Variants in MFHAS1 observed in about 807,000 individuals in gnomAD.
MFHAS1 encodes malignant fibrous histiocytoma-amplified sequence 1.
A neutral mutation model predicts 70.4 loss-of-function variants in MFHAS1; 50 were observed. The observed-to-expected ratio is 0.71, with a 90% CI of 0.57 to 0.90. The LOEUF is 0.90. MFHAS1 is among the 40% of genes least tolerant of loss of function. MFHAS1 has a pLI of 0.00. For synonymous variants in MFHAS1, 952 were observed against 620.0 expected, an observed-to-expected ratio of 1.54 and a Z score of -7.96; for missense variants, 1,795 against 1,347.6, an observed-to-expected ratio of 1.33 and a Z score of -5.20.
chr8:8,890,618 TG>T lies in MFHAS1; in HGVS notation c.2440del (p.Gln814SerfsTer28). On this transcript the variant is annotated frameshift_variant, in exon 1 of 3. Coordinates refer to ENST00000276282, the MANE Select transcript of MFHAS1 (RefSeq NM_004225.3). LOFTEE classifies it high-confidence loss of function. ...CTCCAGCAACAGCTGCAAGTCCTGC[TG>T]GGCCTGGACATGAGGCTTAAGCAGC... ...RLLLKPHVQA[Q>X]QDLQLLLELL... 6.2e-7 allele frequency: 1 copy of T among 1,613,992 alleles called. No homozygotes were observed. The highest frequency in any genetic ancestry group is 8.5e-7 in the Non-Finnish European group (1 of 1,180,014).
intron 1 of MFHAS1, among the ~76,000 whole-genome samples, chr8:8,865,037 A>T (rs1808804599): frequency 6.6e-6 from 1 of 152,138 alleles, no homozygotes; most frequent in African/African-American, 2.4e-5. Context: ...GCACTTGAGG[A>T]GGGCAAGGTG....
At chr8:8,824,058 A>T (rs1807064625) in intron 1 of MFHAS1, among the ~76,000 whole-genome samples, 1 of 151,060 alleles carries the variant, frequency 6.6e-6, no homozygotes, top group Non-Finnish European at 1.5e-5. Context: ...AGTTCCCCCT[A>T]GGAGCTCAGG....
chr8:8,856,007 A>C (rs1808424809), intron 1 of MFHAS1, among the ~76,000 whole-genome samples: 1 of 152,208 alleles, frequency 6.6e-6, no homozygotes, highest in African/African-American at 2.4e-5. Flanking sequence ...TTCAATGCCA[A>C]ATAAGCCTCC....
At chr8:8,861,512 A>T (rs922577784) in intron 1 of MFHAS1, among the ~76,000 whole-genome samples, 1 of 152,260 alleles carries the variant, frequency 6.6e-6, no homozygotes, top group Non-Finnish European at 1.5e-5. Flanking sequence ...TTAGTGTGAA[A>T]ACAGCATGTT....
At chr8:8,836,299 A>C (rs1211671715) in intron 1 of MFHAS1, among the ~76,000 whole-genome samples, 6 of 152,186 alleles carry the variant, frequency 3.9e-5, no homozygotes. Flanking sequence ...CCCTCTCAAA[A>C]AGTCTGCTTC....
intron 2 of MFHAS1, among the ~76,000 whole-genome samples, chr8:8,791,071 T>C (rs1404117539): frequency 6.6e-6 from 1 of 151,838 alleles, no homozygotes; most frequent in Admixed American, 6.6e-5. Flanking sequence ...TTATTAGTAC[T>C]TCCTAAAAAA....
At chr8:8,857,803 A>G (rs1318848505) in intron 1 of MFHAS1, among the ~76,000 whole-genome samples, 1 of 152,130 alleles carries the variant, frequency 6.6e-6, no homozygotes, top group Non-Finnish European at 1.5e-5. Flanking sequence ...AACTCAGTAG[A>G]TATATAACTG....
rs1476301081 is a variant in MFHAS1 at position 8,886,416 on chromosome 8, C to T, written c.2998+3645G>A. On this transcript the variant is annotated intron_variant, in intron 1 of 2. Coordinates refer to ENST00000276282, the MANE Select transcript of MFHAS1 (RefSeq NM_004225.3). ...CTCCTTGACCCAAGTGATCCTCCTG[C>T]CTCAGCCTCCCAAAGCAAAGGGATT... is the stretch of plus-strand genomic sequence containing the variant. Among the ~76,000 whole-genome samples, 11 of 152,184 alleles carry T rather than the reference C, an allele frequency of 7.2e-5. No individual in the cohort carries two copies. The East Asian group carries it at 1.4e-3, about 19-fold the overall frequency.
At position 8,866,408 on chromosome 8, in the gene MFHAS1, G is replaced by A. The variant is rs3789845; in HGVS notation, c.2998+23653C>T. Reference sequence around the variant, plus strand: ...ATCTCAGCTCACCGTAGCCTCTGCCGCCCTGGCTCAAACAATCCTCCCACC... The same window carrying A: ...ATCTCAGCTCACCGTAGCCTCTGCCACCCTGGCTCAAACAATCCTCCCACC... On this transcript the variant is annotated intron_variant, in intron 1 of 2. Transcript: ENST00000276282. Among the ~76,000 whole-genome samples the A allele has an allele frequency of 3.0e-3, 449 of 150,874 alleles. 2 individuals carry two copies. Among genetic ancestry groups the A allele is most frequent in the African/African-American group, 0.01 (422 of 40,980 alleles).
At chr8:8,823,785 G>C (rs1195099410) in intron 1 of MFHAS1, among the ~76,000 whole-genome samples, 1 of 146,412 alleles carries the variant, frequency 6.8e-6, no homozygotes, top group Admixed American at 7.1e-5. Flanking sequence ...CTCCATCTCT[G>C]ATGTAGCACA....
At chr8:8,824,564 CA>C (rs1807086985) in intron 1 of MFHAS1, among the ~76,000 whole-genome samples, 5 of 131,210 alleles carry the variant, frequency 3.8e-5, no homozygotes, top group South Asian at 2.6e-4. Flanking sequence ...CACACACACA[CA>C]CACCCCTTTC....
At chr8:8,808,338 T>C (rs113635222) in intron 1 of MFHAS1, among the ~76,000 whole-genome samples, 2 of 151,682 alleles carry the variant, frequency 1.3e-5, no homozygotes, top group Non-Finnish European at 2.9e-5. Flanking sequence ...CTGCCCAGTG[T>C]CCCCACGCTG....
chr8:8,786,206 C>T, intron 2 of MFHAS1, 151 bp from the exon 3 acceptor site: 2 of 724,896 alleles, frequency 2.8e-6, no homozygotes, highest in South Asian at 3.5e-5. Context: ...ATGTAAATGT[C>T]AGGCAACTTA....
intron 1 of MFHAS1, among the ~76,000 whole-genome samples, chr8:8,854,478 A>C (rs986820456): frequency 1.3e-5 from 2 of 151,674 alleles, no homozygotes; most frequent in East Asian, 1.9e-4. Context: ...CTGAGATCGC[A>C]CCACTGCACT....
chr8:8,832,908 A>C (rs1807459293), intron 1 of MFHAS1, among the ~76,000 whole-genome samples: 1 of 152,190 alleles, frequency 6.6e-6, no homozygotes, highest in African/African-American at 2.4e-5. Context: ...ACTGCTATAA[A>C]GAAATACTTG....
chr8:8,869,639 G>C (rs1211393247), intron 1 of MFHAS1, among the ~76,000 whole-genome samples: 4 of 152,152 alleles, frequency 2.6e-5, no homozygotes, highest in Non-Finnish European at 4.4e-5. Context: ...GCTAGCAGCC[G>C]TTCCACATCA....
chr8:8,871,692 C>A (rs1014744384), intron 1 of MFHAS1, among the ~76,000 whole-genome samples: 2 of 152,132 alleles, frequency 1.3e-5, no homozygotes, highest in African/African-American at 4.8e-5. Flanking sequence ...AAATTGAGGC[C>A]CAGGGAGGCC....
intron 1 of MFHAS1, among the ~76,000 whole-genome samples, chr8:8,800,601 AGTCTCT>A (rs1435308363): frequency 6.6e-6 from 1 of 152,114 alleles, no homozygotes; most frequent in East Asian, 1.9e-4. Flanking sequence ...TGGGCACCCC[AGTCTCT>A]TAACACTCTT....
intron 1 of MFHAS1, among the ~76,000 whole-genome samples, chr8:8,855,281 A>T (rs1265391449): frequency 1.3e-5 from 2 of 152,176 alleles, no homozygotes; most frequent in Non-Finnish European, 2.9e-5. Flanking sequence ...TGGCAATCTT[A>T]ACATTGTATT....
Sources: gnomAD v4.1 joint callset for allele counts (sites outside exome capture counted in the v4.1 genomes callset) on GRCh38, gnomAD v4.1.1 for gene constraint, MANE v1.5 for transcripts, NCBI Gene and HGNC (gene_info 2026-07-23, HGNC 2026-07-21) for gene names.